Variants in PHTF2 observed in about 807,000 individuals in gnomAD.
The protein encoded by PHTF2 is putative homeodomain transcription factor 2.
A neutral mutation model predicts 101.2 loss-of-function variants in PHTF2; 60 were observed. The observed-to-expected ratio is 0.59, with a 90% CI of 0.48 to 0.73. The LOEUF is 0.73. PHTF2 is among the 30% of genes least tolerant of loss of function. PHTF2 has a pLI of 0.00. For synonymous variants in PHTF2, 311 were observed against 307.3 expected (o/e 1.01, Z -0.13); for missense variants, 747 against 908.7 (o/e 0.82, Z 2.29).
intron 3 of PHTF2, among the ~76,000 whole-genome samples, chr7:77,890,089 C>T (rs933813220): frequency 6.7e-6 from 1 of 149,390 alleles, no homozygotes; most frequent in African/African-American, 2.5e-5. Flanking sequence ...CCTATCAAAT[C>T]TTTGAATAAA....
chr7:77,954,644 A>ATATG (rs1806872010), intron 19 of PHTF2, among the ~76,000 whole-genome samples: 1 of 143,648 alleles, frequency 7.0e-6, no homozygotes, highest in Non-Finnish European at 1.5e-5. Context: ...ATATATATAT[A>ATATG]TAGCCACTTC....
At chr7:77,923,397 C>T (rs1803662889) in intron 11 of PHTF2, 1 of 979,288 alleles carries the variant, frequency 1.0e-6, no homozygotes, top group South Asian at 4.7e-5. Flanking sequence ...ACATTACCTT[C>T]TACTCTTTTT....
chr7:77,843,984 G>A (rs1796080410), intron 2 of PHTF2, among the ~76,000 whole-genome samples: 1 of 151,974 alleles, frequency 6.6e-6, no homozygotes, highest in African/African-American at 2.4e-5. Context: ...TTGAATATTT[G>A]TTTGGTTAGT....
intron 3 of PHTF2, among the ~76,000 whole-genome samples, chr7:77,890,773 T>A (rs1161324535): frequency 6.6e-6 from 1 of 151,768 alleles, no homozygotes; most frequent in African/African-American, 2.4e-5. Flanking sequence ...ACCCAGCTAA[T>A]TTTTTGTATT....
At chr7:77,910,500 T>A in intron 9 of PHTF2, 91 bp downstream of exon 8, 1 of 825,564 alleles carries the variant, frequency 1.2e-6, no homozygotes. Flanking sequence ...TTAATTACTT[T>A]AAATGTGACA....
chr7:77,913,485 T>G (rs1427553726), intron 9 of PHTF2, among the ~76,000 whole-genome samples: 2 of 152,146 alleles, frequency 1.3e-5, no homozygotes, highest in Admixed American at 1.3e-4. Context: ...TAGTTTCTAT[T>G]AAAGAGATTG....
intron 16 of PHTF2, among the ~76,000 whole-genome samples, chr7:77,948,823 C>A (rs1158478412): frequency 6.6e-6 from 1 of 152,156 alleles, no homozygotes; most frequent in East Asian, 1.9e-4. Flanking sequence ...AACTCTGATA[C>A]ACTGCTGAGA....
intron 11 of PHTF2, among the ~76,000 whole-genome samples, chr7:77,927,177 A>AATATATATATATATATATATAT (rs386410516): frequency 1.4e-4 from 11 of 78,156 alleles, no homozygotes; most frequent in South Asian, 4.1e-4. Flanking sequence ...AAAAAAAAAA[A>AATATATATATATATATATATAT]ATATATATAT....
chr7:77,877,660 C>G (rs1799059473), intron 3 of PHTF2, among the ~76,000 whole-genome samples: 1 of 152,150 alleles, frequency 6.6e-6, no homozygotes, highest in Non-Finnish European at 1.5e-5. Context: ...TCTCATTAAA[C>G]TTGGGCCAGG....
exon 17 of PHTF2, chr7:77,949,699 T>C: frequency 6.3e-7 from 1 of 1,575,560 alleles, no homozygotes; most frequent in Non-Finnish European, 8.7e-7. Flanking sequence ...ACACGAGATC[T>C]TCCTTGATTG....
intron 8 of PHTF2, chr7:77,909,973 G>A (rs1184599472): frequency 4.0e-6 from 1 of 247,098 alleles, no homozygotes; most frequent in Non-Finnish European, 7.6e-6. Flanking sequence ...GGGAAGAAAT[G>A]CTTTTGTAAA....
chr7:77,892,804 A>AGAAGC (rs1800549112), intron 3 of PHTF2, among the ~76,000 whole-genome samples: 1 of 152,258 alleles, frequency 6.6e-6, no homozygotes, highest in African/African-American at 2.4e-5. Flanking sequence ...TAATAAAAAT[A>AGAAGC]GAAGCTGTAA....
rs573136391 is a variant in PHTF2 at position 77,918,652 on chromosome 7, C to T, written c.777-1627C>T. On this transcript the variant is annotated intron_variant, in intron 9 of 19. Coordinates refer to ENST00000416283, the Ensembl canonical transcript of PHTF2. ...TAATAACTAATGTTTCTATCACTTT[C>T]TTTCCCAGACAGAGGAAGTAACAAG... Among the ~76,000 whole-genome samples the T allele has an allele frequency of 5.4e-4, 82 of 152,288 alleles. 1 individual carries two copies. Among genetic ancestry groups the T allele is most frequent in the African/African-American group, 1.8e-3 (75 of 41,578 alleles).
chr7:77,947,831 T>A (rs1011040102), intron 16 of PHTF2, among the ~76,000 whole-genome samples: 2 of 113,034 alleles, frequency 1.8e-5, no homozygotes, highest in Non-Finnish European at 3.5e-5. Flanking sequence ...TTTTTCTTTT[T>A]TCTTTCTTTT....
At chr7:77,837,667 A>G (rs914402429) in intron 1 of PHTF2, among the ~76,000 whole-genome samples, 1 of 152,218 alleles carries the variant, frequency 6.6e-6, no homozygotes, top group African/African-American at 2.4e-5. Flanking sequence ...AACACTTTAT[A>G]TAACTAGAAT....
At chr7:77,956,448 A>T in exon 20 of PHTF2, 1 of 152,546 alleles carries the variant, frequency 6.6e-6, no homozygotes, top group Non-Finnish European at 1.5e-5. Context: ...CTTTCTATGA[A>T]AAACAACAGA....
chr7:77,902,731 C>T (rs1021060063), intron 7 of PHTF2, among the ~76,000 whole-genome samples: 1 of 150,750 alleles, frequency 6.6e-6, no homozygotes, highest in Admixed American at 6.6e-5. Context: ...AAAAAAAAAC[C>T]ATGATTACAA....
At chr7:77,921,769 G>A (rs897855155) in intron 10 of PHTF2, among the ~76,000 whole-genome samples, 7 of 152,060 alleles carry the variant, frequency 4.6e-5, no homozygotes, top group Non-Finnish European at 7.4e-5. Flanking sequence ...TCAATAAAAC[G>A]TATGCTCTAG....
intron 1 of PHTF2, among the ~76,000 whole-genome samples, chr7:77,813,200 G>A (rs1195432876): frequency 6.6e-6 from 1 of 152,184 alleles, no homozygotes; most frequent in Non-Finnish European, 1.5e-5. Context: ...GGGACTGTGT[G>A]AAGATAAGAG....
Sources: allele counts gnomAD v4.1 joint callset (sites outside exome capture counted in the v4.1 genomes callset), GRCh38; gene constraint gnomAD v4.1.1; transcripts MANE v1.5; gene names NCBI Gene and HGNC (gene_info 2026-07-23, HGNC 2026-07-21).